The following F2RL2 variants were observed in gnomAD, a reference collection of about 807,000 sequenced individuals.
The protein encoded by F2RL2 is proteinase-activated receptor 3.
A neutral mutation model predicts 4.3 loss-of-function variants in F2RL2; 4 were observed. The observed-to-expected ratio is 0.93, with a 90% CI of 0.46 to 2.12. The LOEUF is 2.12. Among genes scored for constraint, F2RL2 ranks in the 30% most tolerant of loss-of-function variants. The pLI is 0.02. For synonymous variants in F2RL2, 166 were observed against 170.9 expected (o/e 0.97, Z 0.22); for missense variants, 408 against 449.3 (o/e 0.91, Z 0.83).
Position 76,617,411 on chromosome 5 carries a change from GAGACTC to G in F2RL2, c.*165_*170del. 1.7e-6 allele frequency: 1 copy of G among 593,868 alleles called. No homozygotes were observed. 36.8% of individuals were successfully genotyped at this position (593,868 alleles called of 1,614,324 possible). On this transcript the variant is annotated 3_prime_UTR_variant, in exon 2 of 2. Coordinates refer to ENST00000296641, the MANE Select transcript of F2RL2 (RefSeq NM_004101.4). ...TGCACGCCAGTCTGGGTGATAAAGTGAGACTCAGTCTCAAAAACAAACAAACAAACT... is the reference window on the plus strand; with the variant it reads ...TGCACGCCAGTCTGGGTGATAAAGTGAGTCTCAAAAACAAACAAACAAACT...
rs1436700898 is a variant in F2RL2, at chr5:76,616,869, AAAG to A, written c.*710_*712del. The A allele has an allele frequency of 6.6e-6, 1 of 152,090 alleles. No individual in the cohort carries two copies. The highest frequency in any genetic ancestry group is 1.5e-5 in the Non-Finnish European group (1 of 68,064). The allele number at this position is 152,090 out of a possible 1,614,324, so 9.4% of individuals were successfully genotyped here. On this transcript the variant is annotated 3_prime_UTR_variant, in exon 2 of 2. Coordinates refer to ENST00000296641, the MANE Select transcript of F2RL2 (RefSeq NM_004101.4). ...CACTGTCTCTATTAAAAAAAGGAAAAAAGAAGGCAAAGGTGAAACTAGATAAAA... is the reference window on the plus strand; with the variant it reads ...CACTGTCTCTATTAAAAAAAGGAAAAAAGGCAAAGGTGAAACTAGATAAAA...
At position 76,618,579 on chromosome 5, in the gene F2RL2, G is replaced by A. The variant is rs368023912; in HGVS notation, c.128C>T (p.Ala43Val). The A allele has an allele frequency of 1.2e-6, 2 of 1,613,952 alleles. No homozygotes were observed. Among genetic ancestry groups the A allele is most frequent in the African/African-American group, 2.7e-5 (2 of 74,926 alleles). ...PTLPIKTFRG[A>V]PPNSFEEFPF... The stretch of plus-strand genomic sequence containing the variant: ...GAACTCTTCAAAAGAATTTGGGGGA[G>A]CTCCACGAAAGGTCTTAATGGGTAA... Residue 43 changes from alanine to valine, a missense_variant, in exon 2 of 2, where the codon GCT becomes GTT. Coordinates refer to ENST00000296641, the MANE Select transcript of F2RL2 (RefSeq NM_004101.4).
Position 76,618,422 on chromosome 5 carries a change from T to G in F2RL2, c.285A>C (p.Lys95Asn). 6.2e-7 allele frequency: 1 copy of G among 1,614,122 alleles called. No individual in the cohort carries two copies. Among genetic ancestry groups the G allele is most frequent in the Non-Finnish European group, 8.5e-7 (1 of 1,180,004 alleles). The change falls in exon 2 of 2, where the codon AAA (lysine) becomes AAC (asparagine). Residue 95 changes from lysine (K) to asparagine (N), a missense_variant. Coordinates refer to ENST00000296641, the MANE Select transcript of F2RL2 (RefSeq NM_004101.4). ...CCAGGAGGTAGATGGCAGGTATCAG[T>G]TTAGTACTTAAGGAGCTGGTCAGGT... Reference protein sequence around the residue: ...MGYLTSSLSTKLIPAIYLLVF... With the variant: ...MGYLTSSLSTNLIPAIYLLVF...
In F2RL2 at chr5:76,618,305, G is replaced by T. The variant is rs771628536; in HGVS notation, c.402C>A (p.Asn134Lys). The T allele has an allele frequency of 1.9e-6, 3 of 1,614,122 alleles. No individual in the cohort carries two copies. The Admixed American group carries it at 5.0e-5, about 27-fold the overall frequency. ...RSICTTVFYT[N>K]LAIADFLFCV... ...AAAAAAGAAAATCTGCAATGGCCAG[G>T]TTGGTGTAGAATACAGTGGTACAGA... The change falls in exon 2 of 2, where the codon AAC becomes AAA. Residue 134 changes from asparagine (N) to lysine (K), a missense_variant. Coordinates refer to ENST00000296641, the MANE Select transcript of F2RL2 (RefSeq NM_004101.4).
chr5:76,619,500 T>G (rs1021906517), intron 1 of F2RL2, among the ~76,000 whole-genome samples: 2 of 150,774 alleles, frequency 1.3e-5, no homozygotes, highest in Non-Finnish European at 2.9e-5. Flanking sequence ...AGATCTAACT[T>G]AGTTAAGGAT....
rs1164380157 is a variant in F2RL2 at position 76,618,251 on chromosome 5, A to G, written c.456T>C (p.Tyr152=). Residue 152 remains tyrosine, a synonymous_variant, in exon 2 of 2, where the codon TAT becomes TAC. Transcript: ENST00000296641. ...ATACCCAGTTGTTCCCATTGAGATGATAAGCTATCTTAAAGGGCAATGTAA... is the reference window on the plus strand; with the variant it reads ...ATACCCAGTTGTTCCCATTGAGATGGTAAGCTATCTTAAAGGGCAATGTAA... ...FCVTLPFKIA[Y]HLNGNNWVFG... 2.5e-6 allele frequency: 4 copies of G among 1,614,086 alleles called. No individual in the cohort carries two copies. In the Admixed American group the frequency reaches 6.7e-5, roughly 27 times the overall value.
At chr5:76,618,792 T>C in intron 1 of F2RL2, 150 bp from the exon 2 acceptor site, 1 of 697,580 alleles carries the variant, frequency 1.4e-6, no homozygotes, top group Admixed American at 2.9e-5. Flanking sequence ...AACAAGCATA[T>C]ATTTAATACA....
Position 76,623,399 on chromosome 5 carries a change from G to T in F2RL2, c.-169C>A. 1 of 676,434 alleles carries T rather than the reference G, an allele frequency of 1.5e-6. No individual in the cohort carries two copies. Among genetic ancestry groups the T allele is most frequent in the Non-Finnish European group, 2.5e-6 (1 of 399,620 alleles). The allele number at this position is 676,434 out of a possible 1,614,324, so 41.9% of individuals were successfully genotyped here. On this transcript the variant is annotated 5_prime_UTR_variant, in exon 1 of 2. Coordinates refer to ENST00000296641, the MANE Select transcript of F2RL2 (RefSeq NM_004101.4). ...GAAACTTGCCCTGGTCCTCCGCAGG[G>T]AAAGGATGTAATCCACTCGATGCTT...
At chr5:76,619,726 G>T (rs933054633) in intron 1 of F2RL2, among the ~76,000 whole-genome samples, 1 of 151,962 alleles carries the variant, frequency 6.6e-6, no homozygotes, top group Non-Finnish European at 1.5e-5. Flanking sequence ...CACCATGTTA[G>T]CCAGGATGGT....
chr5:76,619,548 A>G (rs1414824231), intron 1 of F2RL2, among the ~76,000 whole-genome samples: 9 of 126,372 alleles, frequency 7.1e-5, no homozygotes, highest in African/African-American at 2.5e-4. Flanking sequence ...AGACAGTCTC[A>G]CTCTGTCGCC....
rs765629731 is a variant in F2RL2 at position 76,617,743 on chromosome 5, TAAG to T, written c.961_963del (p.Leu321del). The T allele has an allele frequency of 6.2e-7, 1 of 1,613,898 alleles. No individual in the cohort carries two copies. ...TAGTAGTAGTTAGCATGGTGAATAA[TAAG>T]AATAATATTGCTTGGAGCAAAGCAA... On this transcript the variant is annotated inframe_deletion, in exon 2 of 2. Coordinates refer to ENST00000296641, the MANE Select transcript of F2RL2 (RefSeq NM_004101.4).
At chr5:76,621,083 C>T (rs558136643) in intron 1 of F2RL2, among the ~76,000 whole-genome samples, 23 of 152,260 alleles carry the variant, frequency 1.5e-4, no homozygotes, top group Non-Finnish European at 2.8e-4. Flanking sequence ...GCCAGTACTG[C>T]GCCATTATGT....
Position 76,617,585 on chromosome 5 carries a change from T to G in F2RL2, c.1122A>C (p.Lys374Asn). 1 of 1,604,676 alleles carries G rather than the reference T, an allele frequency of 6.2e-7. No homozygotes were observed. The highest frequency in any genetic ancestry group is 2.2e-5 in the East Asian group (1 of 44,836). Residue 374 changes from lysine (K) to asparagine (N), a missense_variant, in exon 2 of 2, where the codon AAA (lysine) becomes AAC (asparagine). By Grantham distance (94) the Lys-to-Asn change is moderately conservative. Transcript: ENST00000296641. The part of the protein sequence containing the change: ...TRNHSTAYLT[K>N] ...CTTGTTCTCTAAGATCATTTCACTA[T>G]TTTGTAAGGTAAGCAGTGGAGTGAT...
chr5:76,618,879 A>G (rs1405094121), intron 1 of F2RL2, among the ~76,000 whole-genome samples: 2 of 152,238 alleles, frequency 1.3e-5, no homozygotes, highest in African/African-American at 2.4e-5. Context: ...TAAAGTGTTT[A>G]TAATACTATT....
At position 76,617,801 on chromosome 5, in the gene F2RL2, C is replaced by G. The variant is rs768418391; in HGVS notation, c.906G>C (p.Ala302=). Residue 302 remains alanine (A), a synonymous_variant, in exon 2 of 2, where the codon GCG becomes GCC. Coordinates refer to ENST00000296641, the MANE Select transcript of F2RL2 (RefSeq NM_004101.4). ...TAAAAATCACAAGGATGAGGAGACTCGCCTTAACATACCACAACCATCTAT... is the reference window on the plus strand; with the variant it reads ...TAAAAATCACAAGGATGAGGAGACTGGCCTTAACATACCACAACCATCTAT... ...YDHRWLWYVK[A]SLLILVIFTI... 1 of 1,613,582 alleles carries G rather than the reference C, an allele frequency of 6.2e-7. No homozygotes were observed. Among genetic ancestry groups the G allele is most frequent in the Admixed American group, 1.7e-5 (1 of 60,012 alleles).
chr5:76,622,467 T>C (rs978465827), intron 1 of F2RL2, among the ~76,000 whole-genome samples: 8 of 152,192 alleles, frequency 5.3e-5, no homozygotes. Context: ...CTCCCACTCC[T>C]AACAATGTTG....
In F2RL2 at chr5:76,617,511, A is replaced by G; in HGVS notation, c.*71T>C. ...GGAGCTCGGAAATGGAGCTCCTTGC[A>G]CTATGCTTATGTTGTTCTTGAAAAC... On this transcript the variant is annotated 3_prime_UTR_variant, in exon 2 of 2. Transcript: ENST00000296641. 1 of 1,177,352 alleles carries G rather than the reference A, an allele frequency of 8.5e-7. No homozygotes were observed. Among genetic ancestry groups the G allele is most frequent in the Non-Finnish European group, 1.2e-6 (1 of 826,184 alleles). 72.9% of individuals were successfully genotyped at this position (1,177,352 alleles called of 1,614,324 possible). A position where few individuals can be genotyped will look rare whatever the true frequency, so the allele number is the denominator to read the frequency against.
chr5:76,621,711 T>G (rs1322147084), intron 1 of F2RL2, among the ~76,000 whole-genome samples: 1 of 152,232 alleles, frequency 6.6e-6, no homozygotes, highest in East Asian at 1.9e-4. Flanking sequence ...ATGCCAGATC[T>G]GGGTCCACTT....
Position 76,618,202 on chromosome 5 carries a change from T to A in F2RL2, c.505A>T (p.Thr169Ser). ...ATGTTGCCATAGAAGATGACTGTGGTGGCCCGGCACAGGACCTCTCCAAAT... is the reference window on the plus strand; with the variant it reads ...ATGTTGCCATAGAAGATGACTGTGGAGGCCCGGCACAGGACCTCTCCAAAT... Reference protein sequence around the residue: ...WVFGEVLCRATTVIFYGNMYC... With the variant: ...WVFGEVLCRASTVIFYGNMYC... Residue 169 changes from threonine (T) to serine (S), a missense_variant, in exon 2 of 2, where the codon ACC (threonine) becomes TCC (serine). Physicochemically the swap from Thr to Ser is moderately conservative, Grantham distance 58 (BLOSUM62 1). Transcript: ENST00000296641. 6.2e-7 allele frequency: 1 copy of A among 1,614,148 alleles called. No homozygotes were observed. The highest frequency in any genetic ancestry group is 1.6e-4 in the Middle Eastern group (1 of 6,062).
Sources: gnomAD v4.1 joint callset for allele counts (sites outside exome capture counted in the v4.1 genomes callset) on GRCh38, gnomAD v4.1.1 for gene constraint, MANE v1.5 for transcripts, NCBI Gene and HGNC (gene_info 2026-07-23, HGNC 2026-07-21) for gene names.